The following RNF180 variants were observed in gnomAD, a reference collection of about 807,000 sequenced individuals.
RNF180 encodes E3 ubiquitin-protein ligase RNF180.
Under a neutral mutation model 59.2 loss-of-function variants are expected in RNF180, and 38 were observed. The observed-to-expected ratio is 0.64, with a 90% CI of 0.50 to 0.84. The LOEUF (loss-of-function observed/expected upper bound fraction) is 0.84, where lower values mean the gene tolerates loss of function less well. RNF180 is among the 40% of genes least tolerant of loss of function. The probability of loss-of-function intolerance (pLI) is 0.00; values close to 1 mark genes in which losing one functional copy is unlikely to be tolerated. For missense variants in RNF180, 705 were observed against 700.9 expected, an observed-to-expected ratio of 1.01 and a Z score of -0.07; for synonymous variants, 262 against 240.3, an observed-to-expected ratio of 1.09 and a Z score of -0.84.
chr5:64,230,158 G>C (rs1408629680), intron 5 of RNF180, among the ~76,000 whole-genome samples: 1 of 152,186 alleles, frequency 6.6e-6, no homozygotes, highest in African/African-American at 2.4e-5. Flanking sequence ...GCATAATCCA[G>C]TGAGATAAAT....
chr5:64,260,993 T>C (rs573246928), intron 5 of RNF180, among the ~76,000 whole-genome samples: 102 of 152,028 alleles, frequency 6.7e-4, no homozygotes, highest in Non-Finnish European at 1.3e-3. Context: ...ACAGTCATGC[T>C]CATACTGAAT....
chr5:64,166,562 G>C (rs1749651949), intron 1 of RNF180, among the ~76,000 whole-genome samples: 1 of 152,174 alleles, frequency 6.6e-6, no homozygotes, highest in Admixed American at 6.5e-5. Flanking sequence ...TCCTTTGGTG[G>C]GAAATTACTA....
chr5:64,330,035 A>G (rs1432066254), intron 6 of RNF180, among the ~76,000 whole-genome samples: 2 of 152,186 alleles, frequency 1.3e-5, no homozygotes, highest in African/African-American at 4.8e-5. Context: ...ACTGCTTGAC[A>G]TAGGAGCTAC....
intron 5 of RNF180, among the ~76,000 whole-genome samples, chr5:64,316,206 A>C (rs1243015601): frequency 3.3e-5 from 5 of 152,214 alleles, no homozygotes; most frequent in Non-Finnish European, 7.3e-5. Context: ...CACTGTCCCC[A>C]GCTTTTAGTA....
intron 1 of RNF180, among the ~76,000 whole-genome samples, chr5:64,178,737 G>A (rs1579934564): frequency 6.6e-6 from 1 of 152,184 alleles, no homozygotes; most frequent in East Asian, 1.9e-4. Context: ...CAGTGCATAG[G>A]TAGAATACAT....
chr5:64,343,297 A>G (rs1745431336), intron 7 of RNF180, among the ~76,000 whole-genome samples: 2 of 152,146 alleles, frequency 1.3e-5, no homozygotes, highest in African/African-American at 4.8e-5. Context: ...ATAAAAAAAG[A>G]ATAAAACAGT....
chr5:64,367,403 T>TA (rs1158030103), intron 7 of RNF180, among the ~76,000 whole-genome samples: 2 of 151,638 alleles, frequency 1.3e-5, no homozygotes, highest in East Asian at 1.9e-4. Context: ...TGTGTAGCAG[T>TA]AAAAAAAGTT....
chr5:64,215,173 C>T (rs998705196), intron 4 of RNF180, among the ~76,000 whole-genome samples: 7 of 152,030 alleles, frequency 4.6e-5, no homozygotes, highest in Non-Finnish European at 1.0e-4. Context: ...ATGTTAGGTG[C>T]TGTGGAAAGA....
chr5:64,331,622 T>G (rs1744912529), intron 7 of RNF180, among the ~76,000 whole-genome samples: 1 of 152,110 alleles, frequency 6.6e-6, no homozygotes, highest in African/African-American at 2.4e-5. Flanking sequence ...TCAGTGAAGC[T>G]CCTCTCCACC....
intron 1 of RNF180, among the ~76,000 whole-genome samples, chr5:64,187,643 C>T (rs962531961): frequency 6.6e-6 from 1 of 152,140 alleles, no homozygotes; most frequent in Non-Finnish European, 1.5e-5. Flanking sequence ...AATCACCTGA[C>T]ACCGTCTATT....
chr5:64,188,887 G>A lies in RNF180; in HGVS notation c.1-11921G>A, dbSNP rs1361033997. 5.3e-5 allele frequency among the ~76,000 whole-genome samples: 8 copies of A among 152,098 alleles called. 1 individual carries two copies. On this transcript the variant is annotated intron_variant, in intron 1 of 7. Coordinates refer to ENST00000389100, the MANE Select transcript of RNF180 (RefSeq NM_001113561.2). The stretch of plus-strand genomic sequence containing the variant: ...CCTGCCCCAAAATTCATATGTTAAA[G>A]CCTTAACTCCCAATGTGACTATATT...
intron 1 of RNF180, among the ~76,000 whole-genome samples, chr5:64,187,030 T>G (rs576226697): frequency 6.6e-6 from 1 of 152,284 alleles, no homozygotes; most frequent in Admixed American, 6.5e-5. Context: ...CAGGTAGCAA[T>G]TAAAATGGAC....
rs374673672 is a variant in RNF180, at chr5:64,217,442, A to C, written c.1227+46A>C. On this transcript the variant is annotated intron_variant, in intron 5 of 7. Transcript: ENST00000389100. ...ATGAGAAATTGTCAAATTGTTTTCC[A>C]GAATGGCTGTACCATTTTGCATTCC... 58 of 1,361,334 alleles carry C rather than the reference A, an allele frequency of 4.3e-5. No individual in the cohort carries two copies. The African/African-American group carries it at 5.9e-4, about 14-fold the overall frequency. The allele number at this position is 1,361,334 out of a possible 1,614,324, so 84.3% of individuals were successfully genotyped here. A position where few individuals can be genotyped will look rare whatever the true frequency, so the allele number is the denominator to read the frequency against.
intron 5 of RNF180, among the ~76,000 whole-genome samples, chr5:64,283,713 T>C (rs982051200): frequency 6.6e-6 from 1 of 152,176 alleles, no homozygotes; most frequent in African/African-American, 2.4e-5. Context: ...TGCTTCCCCT[T>C]TGCCTTCTGC....
At chr5:64,172,690 G>A (rs1750005050) in intron 1 of RNF180, among the ~76,000 whole-genome samples, 1 of 152,146 alleles carries the variant, frequency 6.6e-6, no homozygotes, top group South Asian at 2.1e-4. Context: ...AATACTCTTA[G>A]GATGCCTCCT....
chr5:64,264,441 T>C (rs1236971648), intron 5 of RNF180, among the ~76,000 whole-genome samples: 1 of 152,108 alleles, frequency 6.6e-6, no homozygotes, highest in Non-Finnish European at 1.5e-5. Context: ...CCATGTGTTC[T>C]CATTGTTCAG....
chr5:64,330,408 T>G lies in RNF180; in HGVS notation c.1579+2T>G. On this transcript the variant is annotated splice_donor_variant, in intron 7 of 7. Coordinates refer to ENST00000389100, the MANE Select transcript of RNF180 (RefSeq NM_001113561.2). LOFTEE classifies it high-confidence loss of function. ...GAAAAGCATTTCATCTTTTTGGAGG[T>G]AAGGAAATCTAACGCCAAAAAAAAA... is the stretch of plus-strand genomic sequence containing the variant. The G allele has an allele frequency of 6.5e-7, 1 of 1,531,102 alleles. No individual in the cohort carries two copies. The highest frequency in any genetic ancestry group is 8.8e-7 in the Non-Finnish European group (1 of 1,142,268). The allele number at this position is 1,531,102 out of a possible 1,614,324, so 94.8% of individuals were successfully genotyped here. A position where few individuals can be genotyped will look rare whatever the true frequency, so the allele number is the denominator to read the frequency against.
At chr5:64,313,623 A>G (rs1743891008) in intron 5 of RNF180, among the ~76,000 whole-genome samples, 1 of 152,138 alleles carries the variant, frequency 6.6e-6, no homozygotes, top group Non-Finnish European at 1.5e-5. Context: ...TAACATGTGC[A>G]TGTGTCTTCA....
At chr5:64,227,257 T>C (rs1269735598) in intron 5 of RNF180, among the ~76,000 whole-genome samples, 1 of 152,078 alleles carries the variant, frequency 6.6e-6, no homozygotes, top group Admixed American at 6.6e-5. Flanking sequence ...ACCAGGGGCT[T>C]GCATTTGGGC....
Sources: gnomAD v4.1 joint callset for allele counts (sites outside exome capture counted in the v4.1 genomes callset) on GRCh38, gnomAD v4.1.1 for gene constraint, MANE v1.5 for transcripts, NCBI Gene and HGNC (gene_info 2026-07-23, HGNC 2026-07-21) for gene names.